Variants in BICRA observed in about 807,000 individuals in gnomAD.
BICRA encodes the protein BRD4 interacting chromatin remodeling complex associated protein, also known as BRD4-interacting chromatin-remodeling complex-associated protein.
A neutral mutation model predicts 96.9 loss-of-function variants in BICRA; 31 were observed. The observed-to-expected ratio is 0.32, with a 90% CI of 0.24 to 0.43. BICRA has a LOEUF of 0.43. BICRA is among the 20% of genes least tolerant of loss of function. The probability of loss-of-function intolerance (pLI) is 1.00; values close to 1 mark genes in which losing one functional copy is unlikely to be tolerated. For synonymous variants in BICRA, 1,350 were observed against 1,071.8 expected (o/e 1.26, Z -5.07); for missense variants, 2,283 against 2,190.3 (o/e 1.04, Z -0.84).
intron 7 of BICRA, among the ~76,000 whole-genome samples, chr19:47,692,789 A>C (rs1973261029): frequency 6.6e-6 from 1 of 152,218 alleles, no homozygotes; most frequent in Non-Finnish European, 1.5e-5. Flanking sequence ...CCTGGGACTT[A>C]GAGGCCAAAG....
chr19:47,646,828 A>G (rs1568556337), intron 1 of BICRA, among the ~76,000 whole-genome samples: 1 of 152,172 alleles, frequency 6.6e-6, no homozygotes, highest in Non-Finnish European at 1.5e-5. Context: ...CAGTTCACCC[A>G]TGTAAATCGT....
Position 47,698,550 on chromosome 19 carries a change from G to A in BICRA, c.3249-84G>A. ...CTGTTGTGTTCAGTTGCGGCCTGGG[G>A]CTGAGGGTTCAGGGACTTCCCCTGG... On this transcript the variant is annotated intron_variant, in intron 11 of 14. Coordinates refer to ENST00000594866, the MANE Select transcript of BICRA (RefSeq NM_001394372.1). The surrounding 1 kb of genome is among the most constrained non-coding windows in gnomAD (Gnocchi z 4.8). 1.4e-6 allele frequency: 1 copy of A among 713,544 alleles called. No homozygotes were observed. Among genetic ancestry groups the A allele is most frequent in the Non-Finnish European group, 2.6e-6 (1 of 386,544 alleles). 44.2% of individuals were successfully genotyped at this position (713,544 alleles called of 1,614,324 possible).
intron 1 of BICRA, among the ~76,000 whole-genome samples, chr19:47,659,553 C>A (rs1446749633): frequency 2.0e-5 from 3 of 152,046 alleles, no homozygotes; most frequent in African/African-American, 7.2e-5. Context: ...CTCCTTTCTC[C>A]ATGTGGATGC....
chr19:47,622,397 G>A (rs767670626), intron 1 of BICRA, among the ~76,000 whole-genome samples: 29 of 148,780 alleles, frequency 1.9e-4, no homozygotes, highest in Admixed American at 1.2e-3. Context: ...ACGCCTGAGT[G>A]TAACTTGGTT....
intron 1 of BICRA, among the ~76,000 whole-genome samples, chr19:47,614,653 A>G (rs1433714249): frequency 9.9e-5 from 15 of 152,222 alleles, no homozygotes. Context: ...ACAAAAAACT[A>G]TTCATCTTAC....
At position 47,679,549 on chromosome 19, in the gene BICRA, G is replaced by C; in HGVS notation, c.379G>C (p.Gly127Arg). 6.5e-7 allele frequency: 1 copy of C among 1,547,146 alleles called. No individual in the cohort carries two copies. Among genetic ancestry groups the C allele is most frequent in the Admixed American group, 2.0e-5 (1 of 50,708 alleles). The change falls in exon 6 of 15, where the codon GGT (glycine) becomes CGT (arginine). Residue 127 changes from glycine to arginine, a missense_variant. Physicochemically the swap from Gly to Arg is moderately radical, Grantham distance 125. Coordinates refer to ENST00000594866, the MANE Select transcript of BICRA (RefSeq NM_001394372.1). The stretch of plus-strand genomic sequence containing the variant: ...GGAGGCCGAGGCTGAGCTGGACCTG[G>C]GTCCCTTCCAGCTGCCCACCCTGCA... The part of the protein sequence containing the change: ...TLEAEAELDL[G>R]PFQLPTLQPA...
chr19:47,635,634 C>A (rs10422349), intron 1 of BICRA, among the ~76,000 whole-genome samples: 3,966 of 152,226 alleles, frequency 0.026, 152 homozygotes, highest in African/African-American at 0.086. Context: ...CCAGCCCCTG[C>A]AAAACTCTTC....
intron 1 of BICRA, among the ~76,000 whole-genome samples, chr19:47,630,559 G>A (rs1972207517): frequency 6.6e-6 from 1 of 152,048 alleles, no homozygotes; most frequent in African/African-American, 2.4e-5. Context: ...TGTCTTCATG[G>A]TTCATCCCTG....
chr19:47,640,895 A>ATTTTTTT (rs35232398), intron 1 of BICRA, among the ~76,000 whole-genome samples: 31 of 95,216 alleles, frequency 3.3e-4, no homozygotes, highest in Non-Finnish European at 2.3e-4. Context: ...TCAGAGTCAG[A>ATTTTTTT]TTTTTTTTTT....
chr19:47,625,463 A>T (rs112493448), intron 1 of BICRA, among the ~76,000 whole-genome samples: 4 of 152,046 alleles, frequency 2.6e-5, no homozygotes, highest in Non-Finnish European at 5.9e-5. Context: ...TTCTCGTCCA[A>T]TTTCCTTCAC....
chr19:47,618,890 C>T (rs967103205), intron 1 of BICRA, among the ~76,000 whole-genome samples: 1 of 152,220 alleles, frequency 6.6e-6, no homozygotes, highest in Non-Finnish European at 1.5e-5. Context: ...TTTCCAGAGG[C>T]TGGATGCCAA....
chr19:47,618,857 A>G (rs1429682057), intron 1 of BICRA, among the ~76,000 whole-genome samples: 1 of 152,210 alleles, frequency 6.6e-6, no homozygotes, highest in Non-Finnish European at 1.5e-5. Context: ...GGACACCTGC[A>G]GGTGAAGCTC....
In BICRA at chr19:47,681,871, A is replaced by G. The variant is rs546595250; in HGVS notation, c.2107-105A>G. 52 of 810,152 alleles carry G rather than the reference A, an allele frequency of 6.4e-5. No individual in the cohort carries two copies. In the South Asian group the frequency reaches 8.8e-4, roughly 14 times the overall value. The allele number at this position is 810,152 out of a possible 1,614,324, so 50.2% of individuals were successfully genotyped here. A position where few individuals can be genotyped will look rare whatever the true frequency, so the allele number is the denominator to read the frequency against. On this transcript the variant is annotated intron_variant, in intron 6 of 14. Coordinates refer to ENST00000594866, the MANE Select transcript of BICRA (RefSeq NM_001394372.1). ...TGCCTGCCAGGCTGCCCACTACCCCATTCTCTGGAACCCTGGGAGCGTCAA... is the reference window on the plus strand; with the variant it reads ...TGCCTGCCAGGCTGCCCACTACCCCGTTCTCTGGAACCCTGGGAGCGTCAA...
intron 1 of BICRA, among the ~76,000 whole-genome samples, chr19:47,636,235 G>A (rs889164115): frequency 7.2e-5 from 11 of 152,106 alleles, no homozygotes; most frequent in African/African-American, 1.7e-4. Context: ...GAGACAGAGC[G>A]TTGCTCTGTT....
At chr19:47,685,322 C>G (rs1175843466) in intron 7 of BICRA, among the ~76,000 whole-genome samples, 2 of 152,134 alleles carry the variant, frequency 1.3e-5, no homozygotes, top group Admixed American at 1.3e-4. Context: ...TTAGTGCGCA[C>G]AGGCAGGTGT....
intron 1 of BICRA, among the ~76,000 whole-genome samples, chr19:47,640,097 A>G (rs1162350078): frequency 6.6e-6 from 1 of 152,216 alleles, no homozygotes; most frequent in Non-Finnish European, 1.5e-5. Context: ...ATAAGGCTAC[A>G]TTATTGAGCA....
intron 1 of BICRA, among the ~76,000 whole-genome samples, chr19:47,632,339 C>T (rs1020761822): frequency 4.6e-5 from 7 of 152,238 alleles, no homozygotes; most frequent in Admixed American, 6.5e-5. Context: ...AGGCCTGTGC[C>T]GGACTCTGGG....
rs756050136 is a variant in BICRA at position 47,702,070 on chromosome 19, C to T, written c.4338C>T (p.Gly1446=). 10 of 1,510,730 alleles carry T rather than the reference C, an allele frequency of 6.6e-6. No individual in the cohort carries two copies. The highest frequency in any genetic ancestry group is 4.3e-5 in the Admixed American group (2 of 46,010). The allele number at this position is 1,510,730 out of a possible 1,614,324, so 93.6% of individuals were successfully genotyped here. Residue 1446 remains glycine, a synonymous_variant, in exon 15 of 15, where the codon GGC becomes GGT. Coordinates refer to ENST00000594866, the MANE Select transcript of BICRA (RefSeq NM_001394372.1). ...EDELYQRMLK[G]PPPEPAASAA... ...AGCTGTACCAGCGTATGCTGAAGGG[C>T]CCCCCGCCAGAGCCCGCAGCCAGCG...
Position 47,698,586 on chromosome 19 carries a change from T to TCCCCCCCCC in BICRA, c.3249-41_3249-40insCCCCCCCCC. ...AGGGACTTCCCCTGGCCCTCACCCG[T>TCCCCCCCCC]CCCCCCCACCCTCCGCCGTGTGTGG... On this transcript the variant is annotated intron_variant, in intron 11 of 14. Transcript: ENST00000594866. The surrounding 1 kb of genome is among the most constrained non-coding windows in gnomAD (Gnocchi z 4.8). The TCCCCCCCCC allele has an allele frequency of 2.8e-6, 2 of 716,706 alleles. No individual in the cohort carries two copies. Among genetic ancestry groups the TCCCCCCCCC allele is most frequent in the Non-Finnish European group, 5.1e-6 (2 of 392,846 alleles). The allele number at this position is 716,706 out of a possible 1,614,324, so 44.4% of individuals were successfully genotyped here. A position where few individuals can be genotyped will look rare whatever the true frequency, so the allele number is the denominator to read the frequency against.
Sources: gnomAD v4.1 joint callset for allele counts (sites outside exome capture counted in the v4.1 genomes callset) on GRCh38, gnomAD v4.1.1 for gene constraint, Gnocchi (gnomAD v3.1) non-coding constraint, MANE v1.5 for transcripts, NCBI Gene and HGNC (gene_info 2026-07-23, HGNC 2026-07-21) for gene names.